AGPAT3: variants seen among roughly 807,000 people sequenced by gnomAD.
AGPAT3 encodes 1-acylglycerol-3-phosphate O-acyltransferase 3, also known as 1-acyl-sn-glycerol-3-phosphate acyltransferase gamma.
A neutral mutation model predicts 47.3 loss-of-function variants in AGPAT3; 5 were observed. That is an observed-to-expected ratio of 0.11 (90% CI 0.06 to 0.22). AGPAT3 has a LOEUF of 0.22. Among genes scored for constraint, AGPAT3 ranks in the 10% least tolerant of loss-of-function variants. AGPAT3 has a pLI of 1.00. For missense variants in AGPAT3, 315 were observed against 493.0 expected (o/e 0.64, Z 3.42); for synonymous variants, 212 against 208.3 (o/e 1.02, Z -0.15).
At chr21:43,917,321 C>T (rs1176337989) in intron 2 of AGPAT3, among the ~76,000 whole-genome samples, 4 of 152,232 alleles carry the variant, frequency 2.6e-5, no homozygotes, top group Admixed American at 6.5e-5. Context: ...TGGCACAACC[C>T]TCCCTCCGGG....
intron 2 of AGPAT3, among the ~76,000 whole-genome samples, chr21:43,949,495 A>G (rs2088077476): frequency 6.6e-6 from 1 of 152,228 alleles, no homozygotes; most frequent in African/African-American, 2.4e-5. Context: ...GGGAGTGGCA[A>G]CGCTCTAAAG....
chr21:43,894,197 A>G (rs1035817014), intron 1 of AGPAT3, among the ~76,000 whole-genome samples: 1 of 150,092 alleles, frequency 6.7e-6, no homozygotes, highest in Admixed American at 6.7e-5. Flanking sequence ...GGCAGGGGCC[A>G]GGTATTTCTT....
intron 1 of AGPAT3, among the ~76,000 whole-genome samples, chr21:43,871,440 A>G (rs2085622674): frequency 6.6e-6 from 1 of 152,364 alleles, no homozygotes; most frequent in Admixed American, 6.5e-5. Context: ...AGCCTGCAAA[A>G]AATAATGTTT....
chr21:43,865,614 C>T (rs2085486989), intron 1 of AGPAT3, among the ~76,000 whole-genome samples: 1 of 150,654 alleles, frequency 6.6e-6, no homozygotes, highest in Middle Eastern at 3.2e-3. Context: ...CAGCGCGAGG[C>T]CCCGGCCGCT....
At chr21:43,917,833 GGGTGT>G (rs1569062988) in intron 2 of AGPAT3, among the ~76,000 whole-genome samples, 1 of 116,890 alleles carries the variant, frequency 8.6e-6, no homozygotes, top group African/African-American at 3.5e-5. Flanking sequence ...TGGGGGTTGT[GGGTGT>G]TGTGTTGTGG....
chr21:43,937,405 G>A (rs939981982), intron 2 of AGPAT3, among the ~76,000 whole-genome samples: 4 of 152,192 alleles, frequency 2.6e-5, no homozygotes, highest in African/African-American at 9.6e-5. Context: ...GCGGAGGCGC[G>A]CAAGGCCCCT....
Position 43,936,340 on chromosome 21 carries a change from G to A in AGPAT3, c.-48-23294G>A, listed in dbSNP as rs187067880. 4.6e-5 allele frequency among the ~76,000 whole-genome samples: 7 copies of A among 152,332 alleles called. No homozygotes were observed. In the East Asian group the frequency reaches 9.6e-4, roughly 21 times the overall value. Reference sequence around the variant, plus strand: ...AGTGGCGAGCACGGCATTGTTTACCGGGGGCTGTGGACTTTTCTGTGGGTG... The same window carrying A: ...AGTGGCGAGCACGGCATTGTTTACCAGGGGCTGTGGACTTTTCTGTGGGTG... On this transcript the variant is annotated intron_variant, in intron 2 of 9. Transcript: ENST00000291572.
intron 2 of AGPAT3, among the ~76,000 whole-genome samples, chr21:43,946,470 C>T (rs1465165440): frequency 2.6e-5 from 4 of 152,002 alleles, no homozygotes; most frequent in Non-Finnish European, 4.4e-5. Flanking sequence ...CGTGGTAGCC[C>T]GCACCTGTAA....
rs552925113 is a variant in AGPAT3 at position 43,891,391 on chromosome 21, T to C, written c.-111-12566T>C. ...GCTCACGCCTATAATCCCAGCACTT[T>C]GGGAGGCTGAGGTGGGCAGATCACG... On this transcript the variant is annotated intron_variant, in intron 1 of 9. Coordinates refer to ENST00000291572, the MANE Select transcript of AGPAT3 (RefSeq NM_020132.5). Among the ~76,000 whole-genome samples, 3 of 152,296 alleles carry C rather than the reference T, an allele frequency of 2.0e-5. No homozygotes were observed. In the East Asian group the frequency reaches 5.8e-4, roughly 29 times the overall value.
rs114016856 is a variant in AGPAT3, at chr21:43,900,821, C to T, written c.-111-3136C>T. 9.8e-3 allele frequency among the ~76,000 whole-genome samples: 1,496 copies of T among 152,258 alleles called. 23 individuals are homozygous for T. Among genetic ancestry groups the T allele is most frequent in the African/African-American group, 0.031 (1,297 of 41,544 alleles). The stretch of plus-strand genomic sequence containing the variant: ...CTCAGGACTCACCAAACAGAGCTTA[C>T]GAGCGAGATCTGAAAAGATCAAACT... On this transcript the variant is annotated intron_variant, in intron 1 of 9. Transcript: ENST00000291572.
intron 2 of AGPAT3, among the ~76,000 whole-genome samples, chr21:43,943,553 T>C (rs2087743419): frequency 6.6e-6 from 1 of 152,172 alleles, no homozygotes; most frequent in South Asian, 2.1e-4. Flanking sequence ...AGAAAGCCAG[T>C]CCTCAGGGGT....
In AGPAT3 at chr21:43,981,247, G is replaced by A; in HGVS notation, c.1042+60G>A. On this transcript the variant is annotated intron_variant, in intron 9 of 9. Coordinates refer to ENST00000291572, the MANE Select transcript of AGPAT3 (RefSeq NM_020132.5). The surrounding 1 kb of genome is among the most constrained non-coding windows in gnomAD (Gnocchi z 5.3). ...ACGGGCCTCACAGTATCAGCCACAGGGTCCGGGACCTGGTGACTCATCACA... is the reference window on the plus strand; with the variant it reads ...ACGGGCCTCACAGTATCAGCCACAGAGTCCGGGACCTGGTGACTCATCACA... 1.9e-6 allele frequency: 3 copies of A among 1,574,286 alleles called. No individual in the cohort carries two copies. Among genetic ancestry groups the A allele is most frequent in the Non-Finnish European group, 2.6e-6 (3 of 1,146,008 alleles).
Position 43,921,830 on chromosome 21 carries a change from T to C in AGPAT3, c.-49+17811T>C, listed in dbSNP as rs571868129. Among the ~76,000 whole-genome samples the C allele has an allele frequency of 2.6e-5, 4 of 152,282 alleles. No individual in the cohort carries two copies. In the South Asian group the frequency reaches 8.3e-4, roughly 32 times the overall value. The stretch of plus-strand genomic sequence containing the variant: ...CCCAGGGATAAAGCGTTAATTACTT[T>C]TTTAACACGATACTAACCTCCTGAC... On this transcript the variant is annotated intron_variant, in intron 2 of 9. Transcript: ENST00000291572.
Position 43,981,777 on chromosome 21 carries a change from G to A in AGPAT3, c.1043-527G>A, listed in dbSNP as rs1008981767. 4.6e-5 allele frequency among the ~76,000 whole-genome samples: 7 copies of A among 152,020 alleles called. No individual in the cohort carries two copies. The highest frequency in any genetic ancestry group is 1.7e-4 in the African/African-American group (7 of 41,366). ...CATCGCCCCGTGAGCCGACTCCCCA[G>A]GCCCAGCAGCTGGGCCAGCTCCTCC... On this transcript the variant is annotated intron_variant, in intron 9 of 9. Coordinates refer to ENST00000291572, the MANE Select transcript of AGPAT3 (RefSeq NM_020132.5). The surrounding 1 kb of genome is among the most constrained non-coding windows in gnomAD (Gnocchi z 5.3).
intron 1 of AGPAT3, among the ~76,000 whole-genome samples, chr21:43,885,388 T>G (rs546845446): frequency 1.3e-5 from 2 of 149,166 alleles, no homozygotes; most frequent in East Asian, 1.9e-4. Flanking sequence ...GTTTTTCTTT[T>G]TTCTTTTTTT....
chr21:43,918,789 C>A (rs1348420155), intron 2 of AGPAT3, among the ~76,000 whole-genome samples: 1 of 152,176 alleles, frequency 6.6e-6, no homozygotes, highest in African/African-American at 2.4e-5. Flanking sequence ...GTTAGCCAGG[C>A]TGGTCTTGAA....
chr21:43,922,373 C>T lies in AGPAT3; in HGVS notation c.-49+18354C>T, dbSNP rs551275688. Among the ~76,000 whole-genome samples the T allele has an allele frequency of 4.6e-5, 7 of 152,298 alleles. No homozygotes were observed. Among genetic ancestry groups the T allele is most frequent in the East Asian group, 1.9e-4 (1 of 5,186 alleles). ...GAGTGCAGCCCCCAGGACGCTGGGC[C>T]GAGCCAGGCAGGGACCTGCTTCAGT... On this transcript the variant is annotated intron_variant, in intron 2 of 9. Transcript: ENST00000291572. The surrounding 1 kb of genome is among the most constrained non-coding windows in gnomAD (Gnocchi z 4.9).
intron 1 of AGPAT3, among the ~76,000 whole-genome samples, chr21:43,869,800 C>T (rs1601179653): frequency 6.6e-6 from 1 of 152,338 alleles, no homozygotes; most frequent in South Asian, 2.1e-4. Context: ...GTCTCCTCAC[C>T]TGTCACCTTG....
intron 1 of AGPAT3, among the ~76,000 whole-genome samples, chr21:43,889,462 A>C (rs1240099786): frequency 1.3e-5 from 2 of 152,146 alleles, no homozygotes; most frequent in East Asian, 3.8e-4. Flanking sequence ...AAGTCCCTGC[A>C]TTCCTGGAAT....
Sources: gnomAD v4.1 joint callset for allele counts (sites outside exome capture counted in the v4.1 genomes callset) on GRCh38, gnomAD v4.1.1 for gene constraint, Gnocchi (gnomAD v3.1) non-coding constraint, MANE v1.5 for transcripts, NCBI Gene and HGNC (gene_info 2026-07-23, HGNC 2026-07-21) for gene names.